The following LPXN variants were observed in gnomAD, a reference collection of about 807,000 sequenced individuals.
The protein encoded by LPXN is leupaxin.
LPXN carries 28 observed loss-of-function variants against 45.6 expected under a neutral mutation model. That is an observed-to-expected ratio of 0.61 (90% CI 0.45 to 0.84). The LOEUF is 0.84. Ranked by LOEUF, LPXN falls within the 40% of genes least tolerant of loss-of-function variation. LPXN has a pLI of 0.00. For synonymous variants in LPXN, 166 were observed against 169.9 expected (o/e 0.98, Z 0.18); for missense variants, 459 against 475.0 (o/e 0.97, Z 0.31).
chr11:58,565,550 T>G (rs1461757259), intron 2 of LPXN, among the ~76,000 whole-genome samples: 1 of 150,486 alleles, frequency 6.6e-6, no homozygotes, highest in African/African-American at 2.4e-5. Context: ...AAAAAAAATG[T>G]GTTTATTGAC....
At chr11:58,539,136 A>G (rs1279224965) in intron 7 of LPXN, among the ~76,000 whole-genome samples, 1 of 151,860 alleles carries the variant, frequency 6.6e-6, no homozygotes, top group Non-Finnish European at 1.5e-5. Flanking sequence ...AGTGAGACCC[A>G]CTCTCTACAA....
intron 7 of LPXN, among the ~76,000 whole-genome samples, chr11:58,538,214 A>G (rs947458123): frequency 2.6e-5 from 4 of 152,130 alleles, no homozygotes; most frequent in Non-Finnish European, 4.4e-5. Context: ...GCTATTGTGA[A>G]TAGTGCCGCC....
intron 3 of LPXN, among the ~76,000 whole-genome samples, chr11:58,558,308 C>G (rs1471336513): frequency 2.6e-5 from 4 of 151,742 alleles, no homozygotes; most frequent in Non-Finnish European, 4.4e-5. Flanking sequence ...GAAGCTGAGG[C>G]AGGAGGACTG....
intron 7 of LPXN, among the ~76,000 whole-genome samples, chr11:58,544,263 A>G (rs1222007098): frequency 6.6e-6 from 1 of 152,214 alleles, no homozygotes; most frequent in East Asian, 1.9e-4. Flanking sequence ...AGTGTTTCTC[A>G]AACTTTAGTG....
At chr11:58,541,120 C>T (rs1853704957) in intron 7 of LPXN, among the ~76,000 whole-genome samples, 1 of 152,196 alleles carries the variant, frequency 6.6e-6, no homozygotes, top group East Asian at 1.9e-4. Context: ...ATTCAGGACA[C>T]AGGCATGGGC....
rs1310796991 is a variant in LPXN at position 58,551,246 on chromosome 11, A to G, written c.319-14T>C. The G allele has an allele frequency of 6.3e-7, 1 of 1,586,650 alleles. No individual in the cohort carries two copies. The highest frequency in any genetic ancestry group is 2.3e-5 in the East Asian group (1 of 42,956). On this transcript the variant is annotated splice_polypyrimidine_tract_variant and intron_variant, in intron 4 of 8. Transcript: ENST00000395074. Reference sequence around the variant, plus strand: ...TCTCACTGCAACCTGGCCCAAGGGAAGAACCAAGAACAGAATCAGCCTCAT... The same window carrying G: ...TCTCACTGCAACCTGGCCCAAGGGAGGAACCAAGAACAGAATCAGCCTCAT...
chr11:58,536,014 A>T (rs1173346280), intron 7 of LPXN, among the ~76,000 whole-genome samples: 4 of 152,236 alleles, frequency 2.6e-5, no homozygotes, highest in African/African-American at 9.6e-5. Context: ...AAAACAGGAC[A>T]CAATCAAATG....
chr11:58,578,603 G>A (rs564923771), upstream of LPXN, among the ~76,000 whole-genome samples: 6 of 152,322 alleles, frequency 3.9e-5, no homozygotes, highest in Non-Finnish European at 5.9e-5. Context: ...GCTGGGGACA[G>A]AAAGGCCAAA....
At chr11:58,569,224 T>C (rs554994390) in intron 2 of LPXN, among the ~76,000 whole-genome samples, 1 of 152,356 alleles carries the variant, frequency 6.6e-6, no homozygotes, top group Non-Finnish European at 1.5e-5. Context: ...GAAGAGCATC[T>C]ACTTAATTCA....
chr11:58,532,129 C>T (rs1853408277), intron 7 of LPXN, among the ~76,000 whole-genome samples: 1 of 152,248 alleles, frequency 6.6e-6, no homozygotes, highest in Non-Finnish European at 1.5e-5. Context: ...TCCCCTAGCA[C>T]TGCTGGCCCA....
intron 7 of LPXN, among the ~76,000 whole-genome samples, chr11:58,529,593 G>C (rs1853325430): frequency 7.0e-6 from 1 of 142,932 alleles, no homozygotes; most frequent in Non-Finnish European, 1.5e-5. Context: ...CTGGGAGATA[G>C]TGAGACTCTG....
At chr11:58,574,030 T>C (rs892701709) in intron 1 of LPXN, among the ~76,000 whole-genome samples, 2 of 144,618 alleles carry the variant, frequency 1.4e-5, no homozygotes, top group African/African-American at 5.2e-5. Context: ...CTGTCCTCGA[T>C]GCCATTTCTC....
Position 58,537,387 on chromosome 11 carries a change from C to A in LPXN, c.743-9196G>T, listed in dbSNP as rs377679769. Among the ~76,000 whole-genome samples the A allele has an allele frequency of 2.0e-4, 31 of 152,260 alleles. No homozygotes were observed. In the East Asian group the frequency reaches 3.7e-3, roughly 18 times the overall value. ...GGACATGGATGAAGCTGGAAACCAT[C>A]ATTCTCAGCAAACTAACACAGGAAC... On this transcript the variant is annotated intron_variant, in intron 7 of 8. Coordinates refer to ENST00000395074, the MANE Select transcript of LPXN (RefSeq NM_004811.3).
At chr11:58,558,778 T>C (rs1213463244) in intron 3 of LPXN, among the ~76,000 whole-genome samples, 1 of 151,534 alleles carries the variant, frequency 6.6e-6, no homozygotes, top group Non-Finnish European at 1.5e-5. Flanking sequence ...CATGAATAAA[T>C]TTGAGACAAA....
intron 1 of LPXN, among the ~76,000 whole-genome samples, chr11:58,571,019 G>T (rs2134354847): frequency 6.6e-6 from 1 of 152,198 alleles, no homozygotes; most frequent in Middle Eastern, 3.4e-3. Flanking sequence ...ATTTAGGGTA[G>T]ATTCCCCACA....
intron 3 of LPXN, among the ~76,000 whole-genome samples, chr11:58,560,121 TAA>T (rs1854328749): frequency 6.6e-6 from 1 of 152,234 alleles, no homozygotes; most frequent in East Asian, 1.9e-4. Flanking sequence ...TTTTGTATCT[TAA>T]GTTATATTTT....
chr11:58,548,953 T>C (rs555101445), intron 7 of LPXN, among the ~76,000 whole-genome samples: 2 of 152,294 alleles, frequency 1.3e-5, no homozygotes, highest in South Asian at 2.1e-4. Context: ...TAATTATATA[T>C]TGAAAAAACA....
chr11:58,565,769 G>C (rs1854510757), intron 2 of LPXN, among the ~76,000 whole-genome samples: 1 of 152,016 alleles, frequency 6.6e-6, no homozygotes. Context: ...CATCATTTGA[G>C]GTCAGGAGAA....
Position 58,527,537 on chromosome 11 carries a change from T to C in LPXN, c.1078A>G (p.Thr360Ala). The C allele has an allele frequency of 6.2e-7, 1 of 1,614,172 alleles. No homozygotes were observed. The highest frequency in any genetic ancestry group is 2.2e-5 in the East Asian group (1 of 44,884). The change falls in exon 9 of 9, where the codon ACA becomes GCA. Residue 360 changes from threonine (T) to alanine (A), a missense_variant. Thr to Ala is a moderately conservative substitution (Grantham distance 58). Transcript: ENST00000395074. ...CTGAAAATGCCCTTCGACAACTGTG[T>C]CAGGCAGAAAGCACACACAAAGTGC... ...PEHFVCAFCL[T>A]QLSKGIFREQ...
Sources: allele counts gnomAD v4.1 joint callset (sites outside exome capture counted in the v4.1 genomes callset), GRCh38; gene constraint gnomAD v4.1.1; transcripts MANE v1.5; gene names NCBI Gene and HGNC (gene_info 2026-07-23, HGNC 2026-07-21).